Variants in CIMIP1 observed in about 807,000 individuals in gnomAD.
CIMIP1 encodes the protein ciliary microtubule inner protein 1.
At chr20:58,153,431 T>G in the CIMIP1 span, 60 of 772,992 alleles carry the variant, frequency 7.8e-5, no homozygotes, top group South Asian at 9.7e-4. Context: ...CCTCACTCCG[T>G]CCCTGGTGCA....
chr20:58,153,635 A>G, the CIMIP1 span: 21 of 1,566,354 alleles, frequency 1.3e-5, no homozygotes, highest in Non-Finnish European at 1.8e-5. Context: ...GGTAAATATA[A>G]ATTGTATGAG....
chr20:58,159,183 C>CTTTTTTTTTTT, the CIMIP1 span, among the ~76,000 whole-genome samples: 98 of 104,048 alleles, frequency 9.4e-4, no homozygotes, highest in African/African-American at 1.3e-3. Context: ...GCACTTTCTT[C>CTTTTTTTTTTT]TTTTTTTTTT....
chr20:58,151,664 C>T, the CIMIP1 span, among the ~76,000 whole-genome samples: 5 of 152,106 alleles, frequency 3.3e-5, no homozygotes, highest in Admixed American at 2.0e-4. Context: ...CCACCCGCCT[C>T]GGCCTCCCAA....
chr20:58,151,412 T>C, the CIMIP1 span, among the ~76,000 whole-genome samples: 1 of 152,030 alleles, frequency 6.6e-6, no homozygotes, highest in African/African-American at 2.4e-5. Flanking sequence ...GATTTTTGTT[T>C]GTTTGTTTGT....
At chr20:58,151,828 A>T in the CIMIP1 span, among the ~76,000 whole-genome samples, 5 of 152,310 alleles carry the variant, frequency 3.3e-5, no homozygotes, top group South Asian at 2.1e-4. Flanking sequence ...AACTTTAAAG[A>T]TACATCCATT....
the CIMIP1 span, chr20:58,160,698 G>T: frequency 9.9e-6 from 16 of 1,613,938 alleles, no homozygotes; most frequent in Admixed American, 2.2e-4. Flanking sequence ...ACCACCCAGG[G>T]CTTCATCGGC....
the CIMIP1 span, chr20:58,150,988 CGCG>C: frequency 6.2e-7 from 1 of 1,608,920 alleles, no homozygotes; most frequent in Non-Finnish European, 8.5e-7. Context: ...CTCTCAGCAC[CGCG>C]GCGGCTGAAC....
the CIMIP1 span, chr20:58,155,354 TG>T: frequency 2.6e-6 from 2 of 769,788 alleles, no homozygotes; most frequent in African/African-American, 1.8e-5. Context: ...GGGGAAGCAA[TG>T]GGGAGGACAC....
chr20:58,153,498 G>T, the CIMIP1 span: 2 of 1,470,970 alleles, frequency 1.4e-6, no homozygotes, highest in South Asian at 2.3e-5. Context: ...CAGACCCCTT[G>T]AACCTTTTTC....
chr20:58,160,921 A>G, the CIMIP1 span: 11 of 1,351,486 alleles, frequency 8.1e-6, no homozygotes, highest in African/African-American at 1.4e-5. Context: ...CCGAGGACAC[A>G]GTCCCCTGCG....
At chr20:58,151,538 G>A in the CIMIP1 span, among the ~76,000 whole-genome samples, 8 of 151,814 alleles carry the variant, frequency 5.3e-5, no homozygotes, top group Non-Finnish European at 7.4e-5. Context: ...TCAGCTTCCC[G>A]AGTAGCTGGG....
At chr20:58,156,225 C>T in the CIMIP1 span, among the ~76,000 whole-genome samples, 1 of 152,150 alleles carries the variant, frequency 6.6e-6, no homozygotes, top group Non-Finnish European at 1.5e-5. Context: ...TATGCTAGCA[C>T]CATGGAGGAA....
At chr20:58,153,429 C>G in the CIMIP1 span, 1 of 758,126 alleles carries the variant, frequency 1.3e-6, no homozygotes, top group Non-Finnish European at 2.3e-6. Context: ...CTCCTCACTC[C>G]GTCCCTGGTG....
chr20:58,152,873 C>T, the CIMIP1 span, among the ~76,000 whole-genome samples: 4 of 152,292 alleles, frequency 2.6e-5, no homozygotes, highest in South Asian at 6.2e-4. Context: ...TAGATGCTCA[C>T]TGCCCAGGGC....
chr20:58,160,647 T>C, the CIMIP1 span: 3 of 1,609,938 alleles, frequency 1.9e-6, no homozygotes, highest in Non-Finnish European at 2.5e-6. Flanking sequence ...AAATCCCCTG[T>C]ATTTCCATTC....
At chr20:58,158,156 G>A in the CIMIP1 span, among the ~76,000 whole-genome samples, 1 of 152,076 alleles carries the variant, frequency 6.6e-6, no homozygotes, top group African/African-American at 2.4e-5. Context: ...GGGAAACAGG[G>A]AGGAACCATC....
chr20:58,155,135 A>G, the CIMIP1 span, among the ~76,000 whole-genome samples: 1 of 152,206 alleles, frequency 6.6e-6, no homozygotes, highest in African/African-American at 2.4e-5. Flanking sequence ...TTGAGTCCGT[A>G]ACTGGTAACG....
the CIMIP1 span, among the ~76,000 whole-genome samples, chr20:58,158,467 G>A: frequency 7.2e-4 from 109 of 152,232 alleles, no homozygotes; most frequent in Non-Finnish European, 1.1e-3. Context: ...TGGCTAACAC[G>A]GTGAAACCCC....
chr20:58,151,034 T>A, the CIMIP1 span: 1 of 1,604,802 alleles, frequency 6.2e-7, no homozygotes, highest in Non-Finnish European at 8.5e-7. Flanking sequence ...TGAGATCTGG[T>A]AACGCCTGGG....
Sources: gnomAD v4.1 joint callset for allele counts (sites outside exome capture counted in the v4.1 genomes callset) on GRCh38, gnomAD v4.1.1 for gene constraint, MANE v1.5 for transcripts, NCBI Gene and HGNC (gene_info 2026-07-23, HGNC 2026-07-21) for gene names.